FAAH2: variants seen among roughly 807,000 people sequenced by gnomAD.
FAAH2 encodes the protein fatty acid amide hydrolase 2.
A neutral mutation model predicts 36.9 loss-of-function variants in FAAH2; 60 were observed. The ratio of observed to expected loss-of-function variants is 1.63; its 90% CI spans 1.32 to 2.02. FAAH2 has a LOEUF of 2.02. FAAH2 is among the 30% of genes most tolerant of loss of function. The probability of loss-of-function intolerance (pLI) is 0.00; values close to 1 mark genes in which losing one functional copy is unlikely to be tolerated. For synonymous variants in FAAH2, 214 were observed against 143.8 expected (o/e 1.49, Z -3.49); for missense variants, 689 against 397.5 (o/e 1.73, Z -6.23).
upstream of FAAH2, among the ~76,000 whole-genome samples, chrX:57,286,500 G>A (rs2051811490): frequency 9.0e-6 from 1 of 111,270 alleles, no homozygotes; most frequent in Non-Finnish European, 1.9e-5. Context: ...AGGAGATATA[G>A]TGTAGGTTGG....
At chrX:57,299,972 G>T (rs1224150844) in intron 2 of FAAH2, among the ~76,000 whole-genome samples, 3 of 111,546 alleles carry the variant, frequency 2.7e-5, no homozygotes, top group Non-Finnish European at 5.6e-5. Flanking sequence ...CAAACAAATG[G>T]AAGAAAATTC....
the FAAH2 span, among the ~76,000 whole-genome samples, chrX:57,272,585 G>A: frequency 8.9e-6 from 1 of 112,025 alleles, no homozygotes; most frequent in African/African-American, 3.2e-5. Flanking sequence ...AGTCAGAAGA[G>A]AGTGGGTGCC....
chrX:57,313,460 AAAAT>A (rs753481309), intron 3 of FAAH2, among the ~76,000 whole-genome samples: 2 of 109,761 alleles, frequency 1.8e-5, no homozygotes, highest in Non-Finnish European at 3.8e-5. Context: ...GGTCAATACA[AAAAT>A]AAATAAATAA....
At chrX:57,237,777 A>C in the FAAH2 span, among the ~76,000 whole-genome samples, 23 of 111,500 alleles carry the variant, frequency 2.1e-4, no homozygotes, top group African/African-American at 7.1e-4. Flanking sequence ...TCCAGCATCT[A>C]TAAGAAACTT....
the FAAH2 span, among the ~76,000 whole-genome samples, chrX:57,164,078 A>G: frequency 1.8e-5 from 2 of 112,393 alleles, no homozygotes; most frequent in Middle Eastern, 4.6e-3. Context: ...AAATAAGGCC[A>G]GAAGAAAACA....
At chrX:57,335,503 G>A (rs201508815) in intron 4 of FAAH2, among the ~76,000 whole-genome samples, 8 of 103,638 alleles carry the variant, frequency 7.7e-5, no homozygotes, top group South Asian at 4.2e-4. Flanking sequence ...ACGCCTTAAA[G>A]AGCAGTATTG....
At chrX:57,156,724 A>T in the FAAH2 span, among the ~76,000 whole-genome samples, 2 of 111,381 alleles carry the variant, frequency 1.8e-5, no homozygotes, top group Non-Finnish European at 3.8e-5. Flanking sequence ...TTGCTCTGTT[A>T]CCTCTCTTTC....
intron 7 of FAAH2, among the ~76,000 whole-genome samples, chrX:57,391,883 G>T (rs2055175313): frequency 9.1e-6 from 1 of 109,813 alleles, no homozygotes; most frequent in African/African-American, 3.3e-5. Flanking sequence ...TAGGAGTTAT[G>T]TTTAGTCTGT....
rs1181711990 is a variant in FAAH2 at position 57,448,458 on chromosome X, A to T, written c.1229-66A>T. ...ACATGTATTACTTGAATAAGAAAAG[A>T]TAAAGAACACTAGGAATTAAAATGA... is the stretch of plus-strand genomic sequence containing the variant. On this transcript the variant is annotated intron_variant, in intron 9 of 10. Transcript: ENST00000374900. 3.0e-6 allele frequency: 3 copies of T among 994,667 alleles called. No homozygotes were observed. The African/African-American group carries it at 5.8e-5, about 19-fold the overall frequency. The allele number at this position is 994,667 out of a possible 1,213,427, so 82.0% of individuals were successfully genotyped here.
intron 5 of FAAH2, among the ~76,000 whole-genome samples, chrX:57,349,769 A>G (rs1356155749): frequency 9.2e-6 from 1 of 109,045 alleles, no homozygotes; most frequent in Non-Finnish European, 1.9e-5. Context: ...GGACAACATA[A>G]ATCAACTGAA....
chrX:57,355,626 TA>T lies in FAAH2; in HGVS notation c.742+14237del, dbSNP rs1469294753. Among the ~76,000 whole-genome samples the T allele has an allele frequency of 3.6e-5, 4 of 110,595 alleles. No homozygotes were observed. In the East Asian group the frequency reaches 8.4e-4, roughly 23 times the overall value. ...TTAGTTCATTGAAGTGTAACTGATT[TA>T]TTTTTTTTTAATAACTATTAACTTC... is the stretch of plus-strand genomic sequence containing the variant. On this transcript the variant is annotated intron_variant, in intron 5 of 10. Transcript: ENST00000374900.
chrX:57,434,574 A>G (rs2056371482), intron 8 of FAAH2, among the ~76,000 whole-genome samples: 1 of 109,972 alleles, frequency 9.1e-6, no homozygotes, highest in Non-Finnish European at 1.9e-5. Context: ...ATGAAGACAC[A>G]TCTTTTGAAG....
chrX:57,289,134 A>G (rs1387846649), intron 1 of FAAH2, among the ~76,000 whole-genome samples: 1 of 112,125 alleles, frequency 8.9e-6, no homozygotes, highest in Non-Finnish European at 1.9e-5. Flanking sequence ...CATCTTACAG[A>G]GAAGGAAAAT....
chrX:57,454,185 G>A (rs1354414914), intron 10 of FAAH2, among the ~76,000 whole-genome samples: 2 of 111,829 alleles, frequency 1.8e-5, no homozygotes, highest in African/African-American at 6.5e-5. Context: ...CTGGATCTCA[G>A]GTCAAAATGC....
At chrX:57,364,715 G>A (rs1477899715) in intron 5 of FAAH2, among the ~76,000 whole-genome samples, 1 of 110,317 alleles carries the variant, frequency 9.1e-6, no homozygotes, top group East Asian at 2.8e-4. Flanking sequence ...CCTCTTAACA[G>A]GTTTTCCCTG....
At chrX:57,412,052 C>G (rs555315374) in intron 7 of FAAH2, among the ~76,000 whole-genome samples, 13 of 111,247 alleles carry the variant, frequency 1.2e-4, no homozygotes, top group African/African-American at 3.6e-4. Flanking sequence ...GCATAATAGT[C>G]AAATCTAGTA....
chrX:57,243,859 C>A, the FAAH2 span, among the ~76,000 whole-genome samples: 1 of 110,213 alleles, frequency 9.1e-6, no homozygotes, highest in Non-Finnish European at 1.9e-5. Flanking sequence ...GATCACAATT[C>A]CTTTTCAGCA....
the FAAH2 span, among the ~76,000 whole-genome samples, chrX:57,224,640 A>G: frequency 8.9e-6 from 1 of 112,336 alleles, no homozygotes; most frequent in Non-Finnish European, 1.9e-5. Flanking sequence ...CTGAAGATCA[A>G]GAAAGAAGCT....
the FAAH2 span, among the ~76,000 whole-genome samples, chrX:57,248,753 CAA>C: frequency 0.031 from 443 of 14,426 alleles, 1 homozygote; most frequent in African/African-American, 0.1. Flanking sequence ...AGCTCCGTCT[CAA>C]AAAAAAAAAA....
Sources: gnomAD v4.1 joint callset for allele counts (sites outside exome capture counted in the v4.1 genomes callset) on GRCh38, gnomAD v4.1.1 for gene constraint, MANE v1.5 for transcripts, NCBI Gene and HGNC (gene_info 2026-07-23, HGNC 2026-07-21) for gene names.